The following CDH4 variants were observed in gnomAD, a reference collection of about 807,000 sequenced individuals.
CDH4 encodes the protein cadherin-4.
Under a neutral mutation model 86.0 loss-of-function variants are expected in CDH4, and 33 were observed. The observed-to-expected ratio is 0.38, with a 90% CI of 0.29 to 0.51. CDH4 has a LOEUF of 0.51. Ranked by LOEUF, CDH4 falls within the 20% of genes least tolerant of loss-of-function variation. The probability of loss-of-function intolerance (pLI) is 0.86; values close to 1 mark genes in which losing one functional copy is unlikely to be tolerated. For synonymous variants in CDH4, 555 were observed against 549.4 expected (o/e 1.01, Z -0.14); for missense variants, 1,114 against 1,307.4 (o/e 0.85, Z 2.28).
intron 2 of CDH4, among the ~76,000 whole-genome samples, chr20:61,685,389 A>G (rs996339674): frequency 2.0e-4 from 30 of 152,216 alleles, no homozygotes; most frequent in African/African-American, 7.0e-4. Flanking sequence ...CCACAGGCTC[A>G]TGACAGGGGT....
At chr20:61,465,937 A>G (rs1263324793) in intron 2 of CDH4, among the ~76,000 whole-genome samples, 1 of 151,950 alleles carries the variant, frequency 6.6e-6, no homozygotes, top group African/African-American at 2.4e-5. Context: ...CCAGTTTCCA[A>G]ATTACTCTGC....
At chr20:61,339,844 G>A (rs1465575662) in intron 2 of CDH4, among the ~76,000 whole-genome samples, 2 of 152,170 alleles carry the variant, frequency 1.3e-5, no homozygotes, top group African/African-American at 4.8e-5. Context: ...ACTCTTCCAC[G>A]TGCTGGATCA....
Position 61,754,692 on chromosome 20 carries a change from C to T in CDH4, c.396+10903C>T, listed in dbSNP as rs2088538444. Among the ~76,000 whole-genome samples the T allele has an allele frequency of 6.7e-6, 1 of 149,330 alleles. No homozygotes were observed. The highest frequency in any genetic ancestry group is 6.7e-5 in the Admixed American group (1 of 14,958). On this transcript the variant is annotated intron_variant, in intron 3 of 15. Coordinates refer to ENST00000614565, the MANE Select transcript of CDH4 (RefSeq NM_001794.5). The surrounding 1 kb of genome is among the most constrained non-coding windows in gnomAD (Gnocchi z 4.7). ...CCGCACACACTATGCACACCACACA[C>T]ACAGTGCATGCCACACACACCGCAC...
At chr20:61,547,305 C>T (rs370984181) in intron 2 of CDH4, among the ~76,000 whole-genome samples, 2 of 150,752 alleles carry the variant, frequency 1.3e-5, no homozygotes. Flanking sequence ...CTCCACCTCC[C>T]GGGTTCACAC....
intron 2 of CDH4, among the ~76,000 whole-genome samples, chr20:61,606,937 C>T (rs1404089064): frequency 3.9e-5 from 6 of 152,202 alleles, no homozygotes; most frequent in African/African-American, 1.2e-4. Context: ...ATGATTTCTC[C>T]GACTGGCCTG....
intron 2 of CDH4, among the ~76,000 whole-genome samples, chr20:61,631,874 G>A (rs111680110): frequency 6.6e-6 from 1 of 152,218 alleles, no homozygotes. Context: ...CTCAGGAGGC[G>A]TGTCCTCCCT....
At chr20:61,669,755 CA>C (rs569724622) in intron 2 of CDH4, among the ~76,000 whole-genome samples, 18 of 152,200 alleles carry the variant, frequency 1.2e-4, no homozygotes, top group Non-Finnish European at 2.1e-4. Flanking sequence ...CCCTCCGCTA[CA>C]AAAGACTTTA....
chr20:61,867,565 G>GAC (rs1477412692), intron 6 of CDH4, among the ~76,000 whole-genome samples: 6 of 148,138 alleles, frequency 4.1e-5, no homozygotes, highest in African/African-American at 1.3e-4. Context: ...AAAAAAAAGA[G>GAC]AGAGAGAGAG....
At chr20:61,468,523 A>T (rs1444364003) in intron 2 of CDH4, among the ~76,000 whole-genome samples, 1 of 152,230 alleles carries the variant, frequency 6.6e-6, no homozygotes, top group African/African-American at 2.4e-5. Context: ...CATCACCTCA[A>T]GCATTTATCT....
At chr20:61,726,363 C>T (rs1456466848) in intron 2 of CDH4, among the ~76,000 whole-genome samples, 1 of 152,226 alleles carries the variant, frequency 6.6e-6, no homozygotes, top group Non-Finnish European at 1.5e-5. Flanking sequence ...TGGGAACCCC[C>T]TCCTCAACTG....
At chr20:61,444,335 C>CCATG (rs2085332317) in intron 2 of CDH4, among the ~76,000 whole-genome samples, 1 of 3,334 alleles carries the variant, frequency 3.0e-4, no homozygotes, top group East Asian at 4.5e-3. Context: ...ACGTGTGTTT[C>CCATG]TCTGTGTGTG....
intron 2 of CDH4, among the ~76,000 whole-genome samples, chr20:61,584,002 A>G (rs959850191): frequency 2.0e-5 from 3 of 152,194 alleles, no homozygotes; most frequent in African/African-American, 7.2e-5. Flanking sequence ...CTACAAAAAA[A>G]TACAAAAATT....
At chr20:61,594,109 G>A (rs1191280289) in intron 2 of CDH4, among the ~76,000 whole-genome samples, 2 of 91,960 alleles carry the variant, frequency 2.2e-5, no homozygotes, top group East Asian at 6.8e-4. Flanking sequence ...GAGGGGGAAG[G>A]GGGTCAGGGC....
At chr20:61,923,791 G>A in intron 10 of CDH4, 87 bp downstream of exon 10, 1 of 1,503,386 alleles carries the variant, frequency 6.7e-7, no homozygotes, top group Non-Finnish European at 8.9e-7. Flanking sequence ...GAAACCCACA[G>A]CCCAGAATTC....
intron 4 of CDH4, among the ~76,000 whole-genome samples, chr20:61,793,317 T>G (rs1360219228): frequency 6.7e-6 from 1 of 149,918 alleles, no homozygotes; most frequent in African/African-American, 2.5e-5. Flanking sequence ...GAGCAAACAT[T>G]AGTTCTTGGC....
chr20:61,557,539 A>G (rs2086186646), intron 2 of CDH4, among the ~76,000 whole-genome samples: 1 of 152,192 alleles, frequency 6.6e-6, no homozygotes, highest in African/African-American at 2.4e-5. Flanking sequence ...CTTCTGGTAT[A>G]GATTAATTGA....
chr20:61,849,744 G>C (rs1170886838), intron 5 of CDH4, among the ~76,000 whole-genome samples: 1 of 152,208 alleles, frequency 6.6e-6, no homozygotes, highest in East Asian at 1.9e-4. Flanking sequence ...CCAGCAAGGT[G>C]CATAGGATGC....
At chr20:61,848,632 T>C (rs1343650031) in intron 5 of CDH4, among the ~76,000 whole-genome samples, 1 of 152,136 alleles carries the variant, frequency 6.6e-6, no homozygotes, top group Non-Finnish European at 1.5e-5. Flanking sequence ...TTCAAGCGAT[T>C]CTCCTGCCTC....
chr20:61,842,516 G>T (rs1026858683), intron 4 of CDH4, among the ~76,000 whole-genome samples: 4 of 152,200 alleles, frequency 2.6e-5, no homozygotes, highest in Non-Finnish European at 5.9e-5. Flanking sequence ...CTCCAGGTGT[G>T]TGTTCTCTGC....
Sources: gnomAD v4.1 joint callset for allele counts (sites outside exome capture counted in the v4.1 genomes callset) on GRCh38, gnomAD v4.1.1 for gene constraint, Gnocchi (gnomAD v3.1) non-coding constraint, MANE v1.5 for transcripts, NCBI Gene and HGNC (gene_info 2026-07-23, HGNC 2026-07-21) for gene names.